EMCN: variants seen among roughly 807,000 people sequenced by gnomAD.
The protein encoded by EMCN is endomucin.
In EMCN, 37 loss-of-function variants were observed where a neutral mutation model predicts 38.4. The ratio of observed to expected loss-of-function variants is 0.96; its 90% CI spans 0.74 to 1.27. The LOEUF (loss-of-function observed/expected upper bound fraction) is 1.27. Among genes scored for constraint, EMCN ranks in the 50% most tolerant of loss-of-function variants. The probability of loss-of-function intolerance (pLI) is 0.00; values close to 1 mark genes in which losing one functional copy is unlikely to be tolerated. For synonymous variants in EMCN, 95 were observed against 100.8 expected (o/e 0.94, Z 0.35); for missense variants, 318 against 302.8 (o/e 1.05, Z -0.37).
At position 100,487,509 on chromosome 4, in the gene EMCN, TAG is replaced by T. The variant is rs1305977813; in HGVS notation, c.65-7472_65-7471del. Reference sequence around the variant, plus strand: ...CTTGAATTAAATCTTCGGCTTTTGATAGAGTTAGGAGTTGTGTCCCCACCCAA... The same window carrying T: ...CTTGAATTAAATCTTCGGCTTTTGATAGTTAGGAGTTGTGTCCCCACCCAA... On this transcript the variant is annotated intron_variant, in intron 1 of 11. Coordinates refer to ENST00000296420, the MANE Select transcript of EMCN (RefSeq NM_016242.4). 2.6e-5 allele frequency among the ~76,000 whole-genome samples: 4 copies of T among 152,164 alleles called. No homozygotes were observed. In the East Asian group the frequency reaches 7.7e-4, roughly 29 times the overall value.
intron 1 of EMCN, chr4:100,483,431 G>GGC (rs1259225565): frequency 1.3e-5 from 2 of 151,914 alleles, no homozygotes; most frequent in African/African-American, 4.8e-5. Flanking sequence ...ATAGTGACTA[G>GGC]GCACACACAT....
At chr4:100,505,124 T>C (rs566905192) in intron 1 of EMCN, among the ~76,000 whole-genome samples, 7 of 152,282 alleles carry the variant, frequency 4.6e-5, no homozygotes, top group Admixed American at 2.0e-4. Flanking sequence ...TTACCTATCA[T>C]TGGAGATGGC....
At chr4:100,456,166 C>T (rs2110253126) in intron 4 of EMCN, among the ~76,000 whole-genome samples, 1 of 152,164 alleles carries the variant, frequency 6.6e-6, no homozygotes, top group African/African-American at 2.4e-5. Flanking sequence ...TATCTTAGGC[C>T]CCTGGGGTGT....
chr4:100,499,770 AT>A (rs983971510), intron 1 of EMCN, among the ~76,000 whole-genome samples: 2 of 152,212 alleles, frequency 1.3e-5, no homozygotes, highest in Non-Finnish European at 2.9e-5. Flanking sequence ...AGATAAATCA[AT>A]TAGTGTATAA....
At chr4:100,475,892 G>A (rs1024220319) in intron 2 of EMCN, among the ~76,000 whole-genome samples, 9 of 151,630 alleles carry the variant, frequency 5.9e-5, no homozygotes, top group South Asian at 4.2e-4. Context: ...CCGTGTTAGC[G>A]AGGATGGTCT....
At chr4:100,474,839 G>T (rs976621649) in intron 3 of EMCN, among the ~76,000 whole-genome samples, 199 bp downstream of exon 3, 1 of 152,088 alleles carries the variant, frequency 6.6e-6, no homozygotes, top group African/African-American at 2.4e-5. Context: ...AGCTGGGAGG[G>T]GGATATGGGA....
At position 100,451,191 on chromosome 4, in the gene EMCN, A is replaced by G. The variant is rs893168981; in HGVS notation, c.377-3620T>C. ...TTATGCCAAGCAAAACTGGTTTTTC[A>G]TTTATGGTAGTTTATTTTTCAAACA... On this transcript the variant is annotated intron_variant, in intron 4 of 11. Coordinates refer to ENST00000296420, the MANE Select transcript of EMCN (RefSeq NM_016242.4). Among the ~76,000 whole-genome samples the G allele has an allele frequency of 2.0e-5, 3 of 151,864 alleles. No individual in the cohort carries two copies. The East Asian group carries it at 5.8e-4, about 29-fold the overall frequency.
intron 1 of EMCN, among the ~76,000 whole-genome samples, chr4:100,512,570 C>T (rs1205190365): frequency 1.3e-5 from 2 of 151,648 alleles, no homozygotes; most frequent in African/African-American, 4.8e-5. Context: ...TTTGGGAGAC[C>T]GAGGCAGGTG....
intron 11 of EMCN, among the ~76,000 whole-genome samples, chr4:100,401,073 A>G (rs1380391781): frequency 6.6e-6 from 1 of 152,122 alleles, no homozygotes. Context: ...ACAACAATTT[A>G]TAAACAATCA....
At chr4:100,416,383 T>C (rs749922330) in intron 9 of EMCN, among the ~76,000 whole-genome samples, 17 of 152,152 alleles carry the variant, frequency 1.1e-4, no homozygotes, top group Non-Finnish European at 2.2e-4. Context: ...GGCTGAATTC[T>C]GGAGATATTC....
intron 1 of EMCN, among the ~76,000 whole-genome samples, chr4:100,500,340 A>G (rs1256477715): frequency 6.6e-6 from 1 of 152,158 alleles, no homozygotes; most frequent in Non-Finnish European, 1.5e-5. Flanking sequence ...ATTTCTGCCT[A>G]ATGTTTGTGA....
intron 10 of EMCN, among the ~76,000 whole-genome samples, chr4:100,411,588 G>GA (rs542086771): frequency 2.0e-5 from 3 of 150,332 alleles, no homozygotes; most frequent in Non-Finnish European, 4.4e-5. Context: ...CATATCTAGT[G>GA]AAAAAAAAAT....
intron 3 of EMCN, 119 bp from the exon 4 acceptor site, chr4:100,465,658 C>T: frequency 2.0e-6 from 1 of 497,096 alleles, no homozygotes. Flanking sequence ...TCTGACTAAG[C>T]CTTAGAAATC....
At chr4:100,448,844 C>T (rs1038958954) in intron 4 of EMCN, among the ~76,000 whole-genome samples, 12 of 116,880 alleles carry the variant, frequency 1.0e-4, no homozygotes, top group Admixed American at 4.7e-4. Context: ...CCCTCCCTCC[C>T]TTCCTTGCTT....
At chr4:100,515,161 G>C (rs992279) in intron 1 of EMCN, among the ~76,000 whole-genome samples, 1 of 151,850 alleles carries the variant, frequency 6.6e-6, no homozygotes, top group Non-Finnish European at 1.5e-5. Flanking sequence ...CCAAGTTAAG[G>C]CAAATTTCAA....
intron 4 of EMCN, among the ~76,000 whole-genome samples, chr4:100,452,165 G>A (rs949375545): frequency 6.6e-6 from 1 of 152,024 alleles, no homozygotes; most frequent in Non-Finnish European, 1.5e-5. Context: ...TGTCCAGCTA[G>A]TAGCTTATCT....
At chr4:100,497,160 A>G (rs1447273458) in intron 1 of EMCN, among the ~76,000 whole-genome samples, 3 of 151,728 alleles carry the variant, frequency 2.0e-5, no homozygotes, top group Non-Finnish European at 4.4e-5. Context: ...GACAAGAAAA[A>G]ATTATATATA....
chr4:100,486,030 A>T (rs549158631), intron 1 of EMCN, among the ~76,000 whole-genome samples: 1 of 152,330 alleles, frequency 6.6e-6, no homozygotes, highest in South Asian at 2.1e-4. Flanking sequence ...AGAGTAACTT[A>T]AAAGTTTTTT....
At chr4:100,464,259 A>T (rs1425309535) in intron 4 of EMCN, among the ~76,000 whole-genome samples, 2 of 151,904 alleles carry the variant, frequency 1.3e-5, no homozygotes, top group Non-Finnish European at 1.5e-5. Context: ...ATCCTGTGCT[A>T]CAAACCGCTC....
Sources: gnomAD v4.1 joint callset for allele counts (sites outside exome capture counted in the v4.1 genomes callset) on GRCh38, gnomAD v4.1.1 for gene constraint, MANE v1.5 for transcripts, NCBI Gene and HGNC (gene_info 2026-07-23, HGNC 2026-07-21) for gene names.